G3BP1: variants seen among roughly 807,000 people sequenced by gnomAD.
The protein encoded by G3BP1 is ras GTPase-activating protein-binding protein 1.
Under a neutral mutation model 58.6 loss-of-function variants are expected in G3BP1, and 35 were observed. The observed-to-expected ratio is 0.60, with a 90% CI of 0.46 to 0.79. G3BP1 has a LOEUF of 0.79. Ranked by LOEUF, G3BP1 falls within the 30% of genes least tolerant of loss-of-function variation. G3BP1 has a pLI of 0.00. For synonymous variants in G3BP1, 191 were observed against 195.4 expected, an observed-to-expected ratio of 0.98 and a Z score of 0.19; for missense variants, 523 against 580.8, an observed-to-expected ratio of 0.90 and a Z score of 1.02.
In G3BP1 at chr5:151,805,809, TTA is replaced by T; in HGVS notation, c.*1719_*1720del. On this transcript the variant is annotated 3_prime_UTR_variant, in exon 12 of 12. Transcript: ENST00000356245. ...ACAACTTATACTTTTGTAGCTTATA[TTA>T]AGCATGTGGTGGGTGGAAAGAAAAG... 1 of 152,330 alleles carries T rather than the reference TTA, an allele frequency of 6.6e-6. No homozygotes were observed. Among genetic ancestry groups the T allele is most frequent in the South Asian group, 2.1e-4 (1 of 4,830 alleles). The allele number at this position is 152,330 out of a possible 1,614,324, so 9.4% of individuals were successfully genotyped here.
At position 151,808,817 on chromosome 5, in the gene G3BP1, T is replaced by G. The variant is rs1762973361; in HGVS notation, c.*4726T>G. On this transcript the variant is annotated 3_prime_UTR_variant, in exon 12 of 12. Transcript: ENST00000356245. ...GGAAGGTTGCCTATATTTTTGATAGTAATTAGATGGAAGATTAAATCCTGT... is the reference window on the plus strand; with the variant it reads ...GGAAGGTTGCCTATATTTTTGATAGGAATTAGATGGAAGATTAAATCCTGT... The G allele has an allele frequency of 1.3e-5, 2 of 152,190 alleles. No individual in the cohort carries two copies. The highest frequency in any genetic ancestry group is 4.1e-4 in the South Asian group (2 of 4,828). 9.4% of individuals were successfully genotyped at this position (152,190 alleles called of 1,614,324 possible).
At chr5:151,799,789 G>A in intron 8 of G3BP1, 100 bp from the exon 9 acceptor site, 1 of 677,026 alleles carries the variant, frequency 1.5e-6, no homozygotes, top group Non-Finnish European at 2.6e-6. Flanking sequence ...TGAGGGAATT[G>A]TCCATTTTGT....
intron 4 of G3BP1, among the ~76,000 whole-genome samples, chr5:151,793,236 G>A (rs1411729599): frequency 2.0e-5 from 3 of 152,106 alleles, no homozygotes; most frequent in Non-Finnish European, 4.4e-5. Flanking sequence ...AGCCTCCCTA[G>A]CAGCTGGGAC....
rs1762945562 is a variant in G3BP1 at position 151,806,866 on chromosome 5, C to T, written c.*2775C>T. The T allele has an allele frequency of 6.6e-6, 1 of 152,124 alleles. No individual in the cohort carries two copies. The allele number at this position is 152,124 out of a possible 1,614,324, so 9.4% of individuals were successfully genotyped here. ...CAGGCTGGTCTCAAGCTCCTGGCCT[C>T]ATCAGTTCTCCTGCCTTCCAAGTAG... On this transcript the variant is annotated 3_prime_UTR_variant, in exon 12 of 12. Transcript: ENST00000356245.
chr5:151,790,246 A>AT lies in G3BP1; in HGVS notation c.96-77_96-76insT, dbSNP rs1223305368. 123 of 688,752 alleles carry AT rather than the reference A, an allele frequency of 1.8e-4. No individual in the cohort carries two copies. The East Asian group carries it at 3.7e-3, about 21-fold the overall frequency. The allele number at this position is 688,752 out of a possible 1,614,324, so 42.7% of individuals were successfully genotyped here. ...ACCCCGTTGCAAAAAAAAAAAAAAAAGTTTGCCAGTATCAGACGTGAAAAA... is the reference window on the plus strand; with the variant it reads ...ACCCCGTTGCAAAAAAAAAAAAAAAATGTTTGCCAGTATCAGACGTGAAAAA... On this transcript the variant is annotated intron_variant, in intron 2 of 11. Transcript: ENST00000356245.
Position 151,783,562 on chromosome 5 carries a change from T to G in G3BP1, c.-49-3010T>G, listed in dbSNP as rs189291856. ...TTGCCACCATGCCTGGCTAATTTTT[T>G]GTATTTTTAGGAGAGACAGGGTTTC... On this transcript the variant is annotated intron_variant, in intron 1 of 11. Coordinates refer to ENST00000356245, the MANE Select transcript of G3BP1 (RefSeq NM_005754.3). Among the ~76,000 whole-genome samples, 166 of 152,100 alleles carry G rather than the reference T, an allele frequency of 1.1e-3. 1 individual carries two copies. In the Middle Eastern group the frequency reaches 0.02, roughly 19 times the overall value.
chr5:151,779,234 A>C (rs1488842719), intron 1 of G3BP1, among the ~76,000 whole-genome samples: 2 of 152,142 alleles, frequency 1.3e-5, no homozygotes, highest in Non-Finnish European at 2.9e-5. Flanking sequence ...GTGTGTCTAA[A>C]ATCTTTGCTT....
At chr5:151,789,007 T>G (rs1050565226) in intron 2 of G3BP1, among the ~76,000 whole-genome samples, 1 of 152,142 alleles carries the variant, frequency 6.6e-6, no homozygotes, top group Non-Finnish European at 1.5e-5. Flanking sequence ...ACTTCCGACT[T>G]CAGGTGATCC....
rs1561537380 is a variant in G3BP1, at chr5:151,800,213, T to A, written c.956-5T>A. The A allele has an allele frequency of 6.2e-7, 1 of 1,612,062 alleles. No homozygotes were observed. Among genetic ancestry groups the A allele is most frequent in the South Asian group, 1.1e-5 (1 of 90,906 alleles). ...CTTTCATTGATGTTTTTGTCTCCTT[T>A]TAAGTCCGTGAGGCTGGTGAGCAAG... On this transcript the variant is annotated splice_region_variant and splice_polypyrimidine_tract_variant and intron_variant, in intron 9 of 11. Coordinates refer to ENST00000356245, the MANE Select transcript of G3BP1 (RefSeq NM_005754.3).
chr5:151,797,175 T>C lies in G3BP1; in HGVS notation c.540-52T>C, dbSNP rs529768324. The C allele has an allele frequency of 1.9e-6, 3 of 1,577,416 alleles. No individual in the cohort carries two copies. The South Asian group carries it at 3.4e-5, about 18-fold the overall frequency. On this transcript the variant is annotated intron_variant, in intron 6 of 11. Transcript: ENST00000356245. ...TGATTAATAAATGATGGAGGAATTT[T>C]TTGTGAAATAAATGGTGGCAGAATG... is the stretch of plus-strand genomic sequence containing the variant.
At position 151,801,043 on chromosome 5, in the gene G3BP1, A is replaced by C. The variant is rs192725503; in HGVS notation, c.1194+174A>C. On this transcript the variant is annotated intron_variant, in intron 11 of 11. Coordinates refer to ENST00000356245, the MANE Select transcript of G3BP1 (RefSeq NM_005754.3). Reference sequence around the variant, plus strand: ...AAAAGACTTGCCTGGGGGTTTAGGAAAACAAACCTTATGTTTAAGTAACTT... The same window carrying C: ...AAAAGACTTGCCTGGGGGTTTAGGACAACAAACCTTATGTTTAAGTAACTT... Among the ~76,000 whole-genome samples, 661 of 152,282 alleles carry C rather than the reference A, an allele frequency of 4.3e-3. 1 individual carries two copies. The highest frequency in any genetic ancestry group is 0.024 in the Middle Eastern group (7 of 294).
intron 2 of G3BP1, among the ~76,000 whole-genome samples, chr5:151,789,899 G>T (rs572878778): frequency 6.6e-6 from 1 of 152,110 alleles, no homozygotes; most frequent in East Asian, 1.9e-4. Flanking sequence ...CCAGGGCCAG[G>T]CGCGGTGACT....
intron 2 of G3BP1, among the ~76,000 whole-genome samples, chr5:151,789,044 G>A (rs900984599): frequency 6.6e-6 from 1 of 152,054 alleles, no homozygotes; most frequent in African/African-American, 2.4e-5. Context: ...CAAAGTGTTG[G>A]GATTACAGGC....
At chr5:151,787,251 T>C (rs1314624214) in intron 2 of G3BP1, 1 of 152,412 alleles carries the variant, frequency 6.6e-6, no homozygotes, top group African/African-American at 2.4e-5. Flanking sequence ...AGTCATGCAT[T>C]ATTTACTAAG....
chr5:151,793,457 C>A (rs1008185389), intron 4 of G3BP1, among the ~76,000 whole-genome samples: 3 of 152,302 alleles, frequency 2.0e-5, no homozygotes, highest in Middle Eastern at 3.4e-3. Context: ...GTGGCATTTA[C>A]ATGCTTAGGG....
chr5:151,800,177 C>CT, intron 9 of G3BP1, 41 bp from the exon 10 acceptor site: 1 of 1,601,826 alleles, frequency 6.2e-7, no homozygotes, highest in Non-Finnish European at 8.5e-7. Context: ...AAGATGTCTT[C>CT]TTTCTCTTGT....
intron 1 of G3BP1, among the ~76,000 whole-genome samples, chr5:151,778,888 C>T (rs1227247159): frequency 1.3e-5 from 2 of 151,922 alleles, no homozygotes; most frequent in African/African-American, 2.4e-5. Context: ...GAACCCTCAT[C>T]TCTACTAAAA....
At chr5:151,795,626 C>T in intron 6 of G3BP1, 51 bp downstream of exon 6, 1 of 831,566 alleles carries the variant, frequency 1.2e-6, no homozygotes, top group South Asian at 1.5e-5. Context: ...CTTGCATTGT[C>T]TAGTCTTTCC....
chr5:151,808,760 C>A lies in G3BP1; in HGVS notation c.*4669C>A, dbSNP rs963713279. On this transcript the variant is annotated 3_prime_UTR_variant, in exon 12 of 12. Coordinates refer to ENST00000356245, the MANE Select transcript of G3BP1 (RefSeq NM_005754.3). ...TACCAGAAATTATTGATTTACTGAA[C>A]CAAGTATTTATTTTCAGAAGCCCAC... 1 of 152,058 alleles carries A rather than the reference C, an allele frequency of 6.6e-6. No individual in the cohort carries two copies. Among genetic ancestry groups the A allele is most frequent in the African/African-American group, 2.4e-5 (1 of 41,358 alleles). 9.4% of individuals were successfully genotyped at this position (152,058 alleles called of 1,614,324 possible). A position where few individuals can be genotyped will look rare whatever the true frequency, so the allele number is the denominator to read the frequency against.
Sources: allele counts gnomAD v4.1 joint callset (sites outside exome capture counted in the v4.1 genomes callset), GRCh38; gene constraint gnomAD v4.1.1; transcripts MANE v1.5; gene names NCBI Gene and HGNC (gene_info 2026-07-23, HGNC 2026-07-21).